The following SLC24A3 variants were observed in gnomAD, a reference collection of about 807,000 sequenced individuals.
SLC24A3 encodes the protein solute carrier family 24 member 3, also known as sodium/potassium/calcium exchanger 3.
SLC24A3 carries 28 observed loss-of-function variants against 75.8 expected under a neutral mutation model. The observed-to-expected ratio is 0.37, with a 90% confidence interval of 0.27 to 0.51. The LOEUF (loss-of-function observed/expected upper bound fraction) is 0.51, where lower values mean the gene tolerates loss of function less well. Ranked by LOEUF, SLC24A3 falls within the 20% of genes least tolerant of loss-of-function variation. SLC24A3 has a pLI of 0.94. For synonymous variants in SLC24A3, 372 were observed against 334.1 expected (o/e 1.11, Z -1.24); for missense variants, 663 against 847.8 (o/e 0.78, Z 2.71).
intron 2 of SLC24A3, among the ~76,000 whole-genome samples, chr20:19,432,572 C>CA (rs1254790672): frequency 4.6e-5 from 7 of 151,884 alleles, no homozygotes; most frequent in South Asian, 2.1e-4. Context: ...GTGGAAAAAA[C>CA]AAAAAAAGCA....
At chr20:19,307,812 G>A (rs1984366878) in intron 2 of SLC24A3, among the ~76,000 whole-genome samples, 2 of 152,104 alleles carry the variant, frequency 1.3e-5, no homozygotes, top group South Asian at 2.1e-4. Context: ...AAAAAAAAGT[G>A]TCTTGTTTGT....
At chr20:19,299,186 G>GTGTGTGTGTCTA (rs1418856299) in intron 2 of SLC24A3, among the ~76,000 whole-genome samples, 1 of 139,290 alleles carries the variant, frequency 7.2e-6, no homozygotes, top group African/African-American at 3.0e-5. Flanking sequence ...TCGTGTGTGT[G>GTGTGTGTGTCTA]TGTGTGTGTG....
chr20:19,311,095 AT>A (rs1162604375), intron 2 of SLC24A3, among the ~76,000 whole-genome samples: 8 of 108,492 alleles, frequency 7.4e-5, no homozygotes, highest in Non-Finnish European at 1.2e-4. Context: ...CCTTCCCTTC[AT>A]TTTTTCCTTC....
At chr20:19,435,322 C>T (rs543009208) in intron 2 of SLC24A3, among the ~76,000 whole-genome samples, 2 of 152,338 alleles carry the variant, frequency 1.3e-5, no homozygotes, top group South Asian at 4.1e-4. Context: ...CATGCAAGAA[C>T]CTGCCATCTT....
At position 19,663,432 on chromosome 20, in the gene SLC24A3, T is replaced by A. The variant is rs1464873146; in HGVS notation, c.688-2432T>A. The stretch of plus-strand genomic sequence containing the variant: ...CACCTCCTCCTCCTCCTCCTCCTCC[T>A]CCGCCTTCTCATCCTCCTCCACTTC... On this transcript the variant is annotated intron_variant, in intron 7 of 16. Coordinates refer to ENST00000328041, the MANE Select transcript of SLC24A3 (RefSeq NM_020689.4). Among the ~76,000 whole-genome samples, 7 of 71,950 alleles carry A rather than the reference T, an allele frequency of 9.7e-5. 1 individual carries two copies. The highest frequency in any genetic ancestry group is 1.8e-4 in the African/African-American group (2 of 10,884). The allele number at this position is 71,950 out of a possible 152,430, so 47.2% of individuals were successfully genotyped here.
intron 8 of SLC24A3, among the ~76,000 whole-genome samples, chr20:19,666,252 A>T (rs2032397847): frequency 6.6e-6 from 1 of 152,186 alleles, no homozygotes; most frequent in African/African-American, 2.4e-5. Flanking sequence ...CATGCCTGTA[A>T]TCCCAGCACT....
At chr20:19,505,454 C>G (rs1988448383) in intron 2 of SLC24A3, among the ~76,000 whole-genome samples, 1 of 152,174 alleles carries the variant, frequency 6.6e-6, no homozygotes, top group Admixed American at 6.5e-5. Flanking sequence ...ATTCCTAACT[C>G]TCCTTTTCTA....
intron 2 of SLC24A3, among the ~76,000 whole-genome samples, chr20:19,350,214 C>A (rs911572584): frequency 2.0e-5 from 3 of 152,144 alleles, no homozygotes; most frequent in Non-Finnish European, 4.4e-5. Flanking sequence ...TGTGATATTT[C>A]ATTTTGTTCT....
At chr20:19,450,459 G>A (rs1405932997) in intron 2 of SLC24A3, among the ~76,000 whole-genome samples, 1 of 152,072 alleles carries the variant, frequency 6.6e-6, no homozygotes, top group African/African-American at 2.4e-5. Context: ...AGGTTGGAGG[G>A]GTGTGGGCAG....
intron 2 of SLC24A3, among the ~76,000 whole-genome samples, chr20:19,507,517 T>C (rs1354317642): frequency 1.3e-5 from 2 of 152,226 alleles, no homozygotes; most frequent in East Asian, 1.9e-4. Flanking sequence ...TCCAGGCTGA[T>C]GGGAGATGCA....
At chr20:19,466,285 A>G (rs1325316149) in intron 2 of SLC24A3, among the ~76,000 whole-genome samples, 1 of 152,150 alleles carries the variant, frequency 6.6e-6, no homozygotes, top group Non-Finnish European at 1.5e-5. Flanking sequence ...TCTGATTGCC[A>G]CAGGAAAGGA....
At chr20:19,407,343 T>TC (rs1600468575) in intron 2 of SLC24A3, among the ~76,000 whole-genome samples, 1 of 152,194 alleles carries the variant, frequency 6.6e-6, no homozygotes, top group African/African-American at 2.4e-5. Flanking sequence ...TTTTTCTGTG[T>TC]CCCGGTGCTG....
chr20:19,330,889 C>T (rs1227579644), intron 2 of SLC24A3, among the ~76,000 whole-genome samples: 1 of 152,220 alleles, frequency 6.6e-6, no homozygotes, highest in Non-Finnish European at 1.5e-5. Flanking sequence ...ACATGTGATA[C>T]ACCTTCCTTT....
chr20:19,604,686 G>A (rs950130705), intron 6 of SLC24A3, among the ~76,000 whole-genome samples: 7 of 152,108 alleles, frequency 4.6e-5, no homozygotes, highest in East Asian at 1.9e-4. Flanking sequence ...TTGCTAACAC[G>A]ACCTCAAGTG....
chr20:19,360,234 G>A (rs1447572642), intron 2 of SLC24A3, among the ~76,000 whole-genome samples: 1 of 152,196 alleles, frequency 6.6e-6, no homozygotes, highest in African/African-American at 2.4e-5. Flanking sequence ...CGAATGAGAA[G>A]GTCTTAACAT....
intron 1 of SLC24A3, among the ~76,000 whole-genome samples, chr20:19,273,849 C>T (rs1983400913): frequency 6.6e-6 from 1 of 151,154 alleles, no homozygotes; most frequent in Non-Finnish European, 1.5e-5. Context: ...CAAGGTCTCC[C>T]TCTAATGTCC....
chr20:19,538,609 G>A (rs1038961217), intron 3 of SLC24A3, among the ~76,000 whole-genome samples: 18 of 152,204 alleles, frequency 1.2e-4, no homozygotes, highest in African/African-American at 2.9e-4. Context: ...AAAGAAAGAC[G>A]AGCAAAACCA....
intron 6 of SLC24A3, among the ~76,000 whole-genome samples, chr20:19,616,010 A>G (rs1254446630): frequency 3.9e-5 from 6 of 152,150 alleles, no homozygotes; most frequent in African/African-American, 9.7e-5. Flanking sequence ...AACTCCTTCT[A>G]TAGGTACATA....
At chr20:19,317,319 C>T (rs1174314355) in intron 2 of SLC24A3, among the ~76,000 whole-genome samples, 1 of 152,190 alleles carries the variant, frequency 6.6e-6, no homozygotes, top group African/African-American at 2.4e-5. Flanking sequence ...AATTGAGTCT[C>T]CTTGATTTCT....
Sources: allele counts gnomAD v4.1 joint callset (sites outside exome capture counted in the v4.1 genomes callset), GRCh38; gene constraint gnomAD v4.1.1; transcripts MANE v1.5; gene names NCBI Gene and HGNC (gene_info 2026-07-23, HGNC 2026-07-21).